The following RABGAP1L variants were observed in gnomAD, a reference collection of about 807,000 sequenced individuals.
RABGAP1L encodes the protein RAB GTPase activating protein 1 like, also known as rab GTPase-activating protein 1-like.
RABGAP1L carries 63 observed loss-of-function variants against 137.7 expected under a neutral mutation model. The observed-to-expected ratio is 0.46, with a 90% CI of 0.37 to 0.56. RABGAP1L has a LOEUF of 0.56. Ranked by LOEUF, RABGAP1L falls within the 20% of genes least tolerant of loss-of-function variation. RABGAP1L has a pLI of 0.00. For synonymous variants in RABGAP1L, 431 were observed against 433.7 expected, an observed-to-expected ratio of 0.99 and a Z score of 0.08; for missense variants, 1,095 against 1,244.0, an observed-to-expected ratio of 0.88 and a Z score of 1.80.
At chr1:174,425,751 A>T (rs1466391200) in intron 13 of RABGAP1L, among the ~76,000 whole-genome samples, 1 of 152,018 alleles carries the variant, frequency 6.6e-6, no homozygotes, top group Non-Finnish European at 1.5e-5. Context: ...AGTTTCTTTT[A>T]ACTCTGTTCA....
At chr1:174,352,621 T>G (rs747647561) in intron 11 of RABGAP1L, among the ~76,000 whole-genome samples, 18 of 152,318 alleles carry the variant, frequency 1.2e-4, no homozygotes, top group Non-Finnish European at 2.4e-4. Context: ...CTGGATGATC[T>G]TAATTCTTGT....
chr1:174,680,168 C>T (rs1187273596), intron 14 of RABGAP1L, among the ~76,000 whole-genome samples: 1 of 152,204 alleles, frequency 6.6e-6, no homozygotes, highest in African/African-American at 2.4e-5. Flanking sequence ...ATATGCATGT[C>T]TGACAGTGGA....
intron 15 of RABGAP1L, among the ~76,000 whole-genome samples, chr1:174,689,305 G>T (rs190155374): frequency 9.1e-4 from 138 of 151,704 alleles, no homozygotes; most frequent in African/African-American, 3.2e-3. Context: ...CAAGATAAAG[G>T]CTTCATTTTG....
chr1:174,909,222 GT>G (rs1000034691), intron 19 of RABGAP1L, among the ~76,000 whole-genome samples: 4 of 149,942 alleles, frequency 2.7e-5, no homozygotes, highest in Admixed American at 6.7e-5. Flanking sequence ...TTTTTAAAAG[GT>G]TTTTTTTTGT....
chr1:174,543,647 C>T lies in RABGAP1L; in HGVS notation c.1711-93728C>T, dbSNP rs545071406. On this transcript the variant is annotated intron_variant, in intron 13 of 25. Transcript: ENST00000681986. The stretch of plus-strand genomic sequence containing the variant: ...TTTGAGCCTGTCATTATGATGTTAG[C>T]TGGTTATTTTGCTCGTTAGTTGATG... Among the ~76,000 whole-genome samples the T allele has an allele frequency of 3.3e-5, 5 of 152,268 alleles. No homozygotes were observed. In the South Asian group the frequency reaches 8.3e-4, roughly 25 times the overall value.
chr1:174,683,491 C>T (rs377290345), intron 14 of RABGAP1L, 31 bp from the exon 15 acceptor site: 28 of 1,520,510 alleles, frequency 1.8e-5, no homozygotes, highest in African/African-American at 1.5e-4. Flanking sequence ...TGACTATTTA[C>T]GATATTTCTT....
At chr1:174,707,624 A>C (rs1284489591) in intron 17 of RABGAP1L, among the ~76,000 whole-genome samples, 1 of 152,198 alleles carries the variant, frequency 6.6e-6, no homozygotes, top group Non-Finnish European at 1.5e-5. Flanking sequence ...GTTTAGTGTA[A>C]GAATTAGATG....
intron 19 of RABGAP1L, among the ~76,000 whole-genome samples, chr1:174,870,175 A>C (rs1470771220): frequency 1.3e-5 from 2 of 152,234 alleles, no homozygotes; most frequent in Non-Finnish European, 2.9e-5. Flanking sequence ...TGATATTTGC[A>C]AATTACCATA....
intron 13 of RABGAP1L, among the ~76,000 whole-genome samples, chr1:174,517,459 G>A (rs1437425120): frequency 6.6e-6 from 1 of 152,080 alleles, no homozygotes; most frequent in Non-Finnish European, 1.5e-5. Flanking sequence ...TATAGATCTG[G>A]AGTGAACAAA....
intron 1 of RABGAP1L, among the ~76,000 whole-genome samples, chr1:174,160,933 A>G (rs1186038455): frequency 6.6e-6 from 1 of 152,214 alleles, no homozygotes; most frequent in Non-Finnish European, 1.5e-5. Flanking sequence ...AGTACTAGAA[A>G]ACTGGCCTGT....
At chr1:174,168,122 G>A (rs1041430120) in intron 1 of RABGAP1L, among the ~76,000 whole-genome samples, 4 of 151,976 alleles carry the variant, frequency 2.6e-5, no homozygotes, top group Admixed American at 6.6e-5. Context: ...AAAATTAGCC[G>A]AATGTGGTGG....
At chr1:174,610,107 A>G (rs1671087325) in intron 13 of RABGAP1L, among the ~76,000 whole-genome samples, 1 of 150,454 alleles carries the variant, frequency 6.6e-6, no homozygotes, top group Admixed American at 6.6e-5. Context: ...GACAATGTGC[A>G]GGTTAGTTAC....
chr1:174,716,596 T>A (rs1397414504), intron 17 of RABGAP1L, among the ~76,000 whole-genome samples: 1 of 152,232 alleles, frequency 6.6e-6, no homozygotes, highest in East Asian at 1.9e-4. Context: ...CCTTCTGGTC[T>A]CCTACTTTTT....
chr1:174,286,520 T>C (rs1676063539), intron 10 of RABGAP1L, among the ~76,000 whole-genome samples: 1 of 152,086 alleles, frequency 6.6e-6, no homozygotes, highest in Admixed American at 6.5e-5. Flanking sequence ...TTTAGTTTTG[T>C]CCATCTTTTC....
At chr1:174,426,007 C>T (rs1331043984) in intron 13 of RABGAP1L, among the ~76,000 whole-genome samples, 1 of 151,920 alleles carries the variant, frequency 6.6e-6, no homozygotes, top group African/African-American at 2.4e-5. Flanking sequence ...TGTTGAATAT[C>T]GTTGTAATTA....
At chr1:174,562,835 C>T (rs952002202) in intron 13 of RABGAP1L, among the ~76,000 whole-genome samples, 2 of 151,998 alleles carry the variant, frequency 1.3e-5, no homozygotes, top group Non-Finnish European at 2.9e-5. Context: ...AGGAGAACAT[C>T]ATACACTGGG....
chr1:174,772,684 CT>C (rs1465927665), intron 18 of RABGAP1L, among the ~76,000 whole-genome samples: 1 of 151,202 alleles, frequency 6.6e-6, no homozygotes, highest in Non-Finnish European at 1.5e-5. Flanking sequence ...ATCTCCAGAT[CT>C]TTTTTTCATC....
intron 13 of RABGAP1L, among the ~76,000 whole-genome samples, chr1:174,568,973 C>A (rs1370329472): frequency 6.6e-6 from 1 of 152,166 alleles, no homozygotes; most frequent in Non-Finnish European, 1.5e-5. Context: ...ACTTTGCTAA[C>A]CTCTCTATGT....
chr1:174,824,188 G>T (rs2148894364), intron 19 of RABGAP1L, among the ~76,000 whole-genome samples: 1 of 152,264 alleles, frequency 6.6e-6, no homozygotes, highest in East Asian at 1.9e-4. Context: ...TACTAGGGAG[G>T]CTGGGGCAAG....
Sources: gnomAD v4.1 joint callset for allele counts (sites outside exome capture counted in the v4.1 genomes callset) on GRCh38, gnomAD v4.1.1 for gene constraint, MANE v1.5 for transcripts, NCBI Gene and HGNC (gene_info 2026-07-23, HGNC 2026-07-21) for gene names.